LPGAT1: variants seen among roughly 807,000 people sequenced by gnomAD.
LPGAT1 encodes the protein lysophosphatidylglycerol acyltransferase 1.
Under a neutral mutation model 47.5 loss-of-function variants are expected in LPGAT1, and 11 were observed. That is an observed-to-expected ratio of 0.23 (90% CI 0.15 to 0.38). LPGAT1 has a LOEUF of 0.38. Ranked by LOEUF, LPGAT1 falls within the 10% of genes least tolerant of loss-of-function variation. The probability of loss-of-function intolerance (pLI) is 1.00; values close to 1 mark genes in which losing one functional copy is unlikely to be tolerated. For missense variants in LPGAT1, 293 were observed against 439.0 expected (o/e 0.67, Z 2.97); for synonymous variants, 138 against 144.2 (o/e 0.96, Z 0.31).
At position 211,784,804 on chromosome 1, in the gene LPGAT1, C is replaced by CTT. The variant is rs11393776; in HGVS notation, c.454-1304_454-1303dup. Among the ~76,000 whole-genome samples the CTT allele has an allele frequency of 8.0e-3, 1,072 of 133,276 alleles. 7 individuals carry two copies. Among genetic ancestry groups the CTT allele is most frequent in the Non-Finnish European group, 0.012 (723 of 62,560 alleles). The allele number at this position is 133,276 out of a possible 152,430, so 87.4% of individuals were successfully genotyped here. A position where few individuals can be genotyped will look rare whatever the true frequency, so the allele number is the denominator to read the frequency against. ...CAACTAAATATCACAAAGGTTCTTT[C>CTT]TTTTTTTTTTTTTTTTTGAGACAGA... On this transcript the variant is annotated intron_variant, in intron 4 of 7. Transcript: ENST00000366997.
chr1:211,825,153 A>C (rs1571773133), intron 2 of LPGAT1, among the ~76,000 whole-genome samples: 1 of 150,176 alleles, frequency 6.7e-6, no homozygotes, highest in African/African-American at 2.4e-5. Context: ...TTCTATTAAC[A>C]GTAAATATTT....
chr1:211,802,053 A>T (rs545447530), intron 2 of LPGAT1, among the ~76,000 whole-genome samples: 1 of 150,092 alleles, frequency 6.7e-6, no homozygotes, highest in East Asian at 2.0e-4. Context: ...GCACCACTGT[A>T]TTACAGCCTG....
chr1:211,803,805 G>C (rs1397591828), intron 2 of LPGAT1, among the ~76,000 whole-genome samples: 1 of 143,776 alleles, frequency 7.0e-6, no homozygotes, highest in African/African-American at 2.6e-5. Context: ...CTGTCACTCA[G>C]ACTGGAGTGC....
intron 2 of LPGAT1, among the ~76,000 whole-genome samples, chr1:211,800,820 A>G (rs1164518045): frequency 6.6e-6 from 1 of 152,222 alleles, no homozygotes; most frequent in Non-Finnish European, 1.5e-5. Context: ...TAACAACATT[A>G]GGACTAAATA....
At chr1:211,812,290 A>G (rs1660016998) in intron 2 of LPGAT1, among the ~76,000 whole-genome samples, 1 of 152,274 alleles carries the variant, frequency 6.6e-6, no homozygotes, top group Admixed American at 6.5e-5. Flanking sequence ...AATTAACCTA[A>G]CCAGGAAACT....
At chr1:211,794,047 C>T (rs1402328854) in intron 2 of LPGAT1, among the ~76,000 whole-genome samples, 1 of 152,104 alleles carries the variant, frequency 6.6e-6, no homozygotes, top group Admixed American at 6.5e-5. Context: ...CACTGAAAAA[C>T]GTCTAGAAAA....
At position 211,783,431 on chromosome 1, in the gene LPGAT1, A is replaced by G. The variant is rs1311450320; in HGVS notation, c.525T>C (p.Asp175=). ...KHLENNYRSR[D]RKWIVLFPEG... is the part of the protein sequence containing the mutation. Reference sequence around the variant, plus strand: ...CTGGAAACAAAACAATCCATTTTCGATCTCTGCTCCTGTAATTATTTTCTA... The same window carrying G: ...CTGGAAACAAAACAATCCATTTTCGGTCTCTGCTCCTGTAATTATTTTCTA... Residue 175 remains aspartate (D), a synonymous_variant, in exon 5 of 8, where the codon GAT becomes GAC. Coordinates refer to ENST00000366997, the MANE Select transcript of LPGAT1 (RefSeq NM_014873.3). 3.1e-6 allele frequency: 5 copies of G among 1,614,108 alleles called. No homozygotes were observed. Among genetic ancestry groups the G allele is most frequent in the Non-Finnish European group, 4.2e-6 (5 of 1,180,012 alleles).
chr1:211,814,574 C>G, intron 2 of LPGAT1, among the ~76,000 whole-genome samples: 1 of 152,202 alleles, frequency 6.6e-6, no homozygotes, highest in East Asian at 1.9e-4. Context: ...TTCATTCAAT[C>G]CTCACCAAGA....
intron 6 of LPGAT1, among the ~76,000 whole-genome samples, chr1:211,766,084 A>G (rs539566115): frequency 4.6e-5 from 7 of 152,276 alleles, no homozygotes; most frequent in African/African-American, 1.4e-4. Flanking sequence ...CTGGGCTTTC[A>G]GACTGAGACT....
intron 7 of LPGAT1, among the ~76,000 whole-genome samples, chr1:211,750,507 G>A (rs1657130971): frequency 6.6e-6 from 1 of 152,136 alleles, no homozygotes; most frequent in Non-Finnish European, 1.5e-5. Flanking sequence ...CAGTGATCAG[G>A]ACCCAGGATT....
intron 4 of LPGAT1, among the ~76,000 whole-genome samples, chr1:211,784,813 T>C (rs1441805986): frequency 1.3e-5 from 2 of 150,500 alleles, no homozygotes; most frequent in African/African-American, 4.9e-5. Context: ...TCTTTTTTTT[T>C]TTTTTTTTGA....
At chr1:211,795,609 C>G (rs1010346838) in intron 2 of LPGAT1, among the ~76,000 whole-genome samples, 1 of 152,150 alleles carries the variant, frequency 6.6e-6, no homozygotes, top group African/African-American at 2.4e-5. Context: ...TCAGGTGATC[C>G]GCCCACCTCG....
chr1:211,820,539 C>A (rs201764780), intron 2 of LPGAT1, among the ~76,000 whole-genome samples: 521 of 123,992 alleles, frequency 4.2e-3, no homozygotes, highest in East Asian at 6.5e-3. Context: ...TAGAACTAAA[C>A]AAAAAAAAAA....
rs571938397 is a variant in LPGAT1, at chr1:211,750,086, T to C, written c.962-36A>G. 3.0e-5 allele frequency: 48 copies of C among 1,586,178 alleles called. No individual in the cohort carries two copies. In the South Asian group the frequency reaches 3.8e-4, roughly 13 times the overall value. On this transcript the variant is annotated intron_variant, in intron 7 of 7. Coordinates refer to ENST00000366997, the MANE Select transcript of LPGAT1 (RefSeq NM_014873.3). ...AGATAGAAATATTAGTTTGTTTTAC[T>C]GTAATGGTAGGTCTCCTGGAATAAA...
chr1:211,754,430 A>G (rs1479464561), intron 6 of LPGAT1, among the ~76,000 whole-genome samples: 1 of 152,014 alleles, frequency 6.6e-6, no homozygotes, highest in East Asian at 1.9e-4. Flanking sequence ...TTTTGCCGCC[A>G]TTGTCTTTCA....
At chr1:211,801,304 T>C (rs1659564968) in intron 2 of LPGAT1, among the ~76,000 whole-genome samples, 1 of 152,200 alleles carries the variant, frequency 6.6e-6, no homozygotes, top group African/African-American at 2.4e-5. Context: ...AATCCTTTCC[T>C]TCCATTAGTT....
intron 5 of LPGAT1, among the ~76,000 whole-genome samples, chr1:211,782,278 A>C (rs1237605020): frequency 2.6e-5 from 4 of 152,204 alleles, no homozygotes; most frequent in African/African-American, 9.6e-5. Context: ...TTTTTTGGCT[A>C]TTATAAATAA....
intron 2 of LPGAT1, among the ~76,000 whole-genome samples, chr1:211,817,947 G>GC (rs1270775543): frequency 6.6e-6 from 1 of 152,024 alleles, no homozygotes; most frequent in Non-Finnish European, 1.5e-5. Context: ...CAATTCTCCT[G>GC]CCTCAGCCTC....
intron 2 of LPGAT1, among the ~76,000 whole-genome samples, chr1:211,803,969 T>C (rs1659666948): frequency 6.6e-6 from 1 of 152,128 alleles, no homozygotes; most frequent in Non-Finnish European, 1.5e-5. Context: ...ATGTTGGCCA[T>C]GTTGGTCTCA....
Sources: allele counts gnomAD v4.1 joint callset (sites outside exome capture counted in the v4.1 genomes callset), GRCh38; gene constraint gnomAD v4.1.1; transcripts MANE v1.5; gene names NCBI Gene and HGNC (gene_info 2026-07-23, HGNC 2026-07-21).